The following CALN1 variants were observed in gnomAD, a reference collection of about 807,000 sequenced individuals.
The protein encoded by CALN1 is calneuron 1, also known as calcium-binding protein 8.
CALN1 carries 17 observed loss-of-function variants against 30.6 expected under a neutral mutation model. That is an observed-to-expected ratio of 0.56 (90% confidence interval 0.38 to 0.83). The LOEUF (loss-of-function observed/expected upper bound fraction) is 0.83, where lower values mean the gene tolerates loss of function less well. Among genes scored for constraint, CALN1 ranks in the 40% least tolerant of loss-of-function variants. The pLI is 0.00. For synonymous variants in CALN1, 156 were observed against 131.4 expected, an observed-to-expected ratio of 1.19 and a Z score of -1.28; for missense variants, 291 against 354.9, an observed-to-expected ratio of 0.82 and a Z score of 1.45.
intron 5 of CALN1, among the ~76,000 whole-genome samples, chr7:71,961,439 C>T (rs1419752714): frequency 2.0e-5 from 3 of 152,182 alleles, no homozygotes; most frequent in Non-Finnish European, 4.4e-5. Context: ...ACCTGTATTT[C>T]CCCCTTGGGA....
chr7:71,982,857 C>T (rs1048286076), intron 5 of CALN1, among the ~76,000 whole-genome samples: 8 of 152,116 alleles, frequency 5.3e-5, no homozygotes, highest in South Asian at 2.1e-4. Flanking sequence ...GGGTGAATGC[C>T]GGCAGTTGTA....
chr7:71,960,407 G>C (rs10276706), intron 5 of CALN1, among the ~76,000 whole-genome samples: 1 of 151,822 alleles, frequency 6.6e-6, no homozygotes, highest in Non-Finnish European at 1.5e-5. Flanking sequence ...GCTCGCATTT[G>C]TAAGTGAGAA....
chr7:72,337,798 G>A (rs1486837165), intron 2 of CALN1: 2 of 152,482 alleles, frequency 1.3e-5, no homozygotes, highest in African/African-American at 4.8e-5. Context: ...CACTCCTCCA[G>A]GGCCTGAGAA....
At chr7:72,439,429 T>C (rs1055487867) in intron 1 of CALN1, among the ~76,000 whole-genome samples, 7 of 152,164 alleles carry the variant, frequency 4.6e-5, no homozygotes, top group African/African-American at 1.7e-4. Context: ...ACACATATGT[T>C]GTGTGTTACA....
At chr7:72,302,709 C>T (rs1034603802) in intron 2 of CALN1, among the ~76,000 whole-genome samples, 7 of 151,870 alleles carry the variant, frequency 4.6e-5, no homozygotes, top group Non-Finnish European at 8.8e-5. Flanking sequence ...GCCTGGCCAA[C>T]ATGGTGAAAC....
chr7:72,084,167 C>T (rs950745587), intron 4 of CALN1, among the ~76,000 whole-genome samples: 1 of 152,084 alleles, frequency 6.6e-6, no homozygotes, highest in Admixed American at 6.6e-5. Flanking sequence ...CAAGATCACG[C>T]CATTGCACTC....
chr7:72,210,765 C>T (rs145459396), intron 3 of CALN1, among the ~76,000 whole-genome samples: 29 of 152,078 alleles, frequency 1.9e-4, no homozygotes, highest in African/African-American at 6.7e-4. Flanking sequence ...ATGGGGATTA[C>T]AATGCAAGAT....
At chr7:72,424,842 T>C (rs557436004) in intron 1 of CALN1, among the ~76,000 whole-genome samples, 2 of 152,244 alleles carry the variant, frequency 1.3e-5, no homozygotes, top group South Asian at 4.1e-4. Context: ...AAAGATTCTC[T>C]TGCCTCAACC....
At chr7:72,341,952 C>T (rs768049673) in intron 2 of CALN1, among the ~76,000 whole-genome samples, 8 of 151,756 alleles carry the variant, frequency 5.3e-5, no homozygotes, top group Non-Finnish European at 8.8e-5. Context: ...CTAAGCTCAG[C>T]GAGCCTCAGA....
intron 2 of CALN1, among the ~76,000 whole-genome samples, chr7:72,348,885 A>G (rs1802780706): frequency 6.6e-6 from 1 of 152,160 alleles, no homozygotes; most frequent in African/African-American, 2.4e-5. Context: ...TCAACAACAT[A>G]ACACCCACAG....
At chr7:71,935,764 C>T (rs1422140083) in intron 5 of CALN1, among the ~76,000 whole-genome samples, 2 of 152,186 alleles carry the variant, frequency 1.3e-5, no homozygotes, top group Non-Finnish European at 2.9e-5. Flanking sequence ...TCCTCCTGTA[C>T]TGCCAGGGCA....
At chr7:72,386,224 C>G (rs1304919660) in intron 2 of CALN1, among the ~76,000 whole-genome samples, 2 of 152,136 alleles carry the variant, frequency 1.3e-5, no homozygotes, top group African/African-American at 4.8e-5. Context: ...AAGAATGAAT[C>G]TTAATGCATG....
intron 5 of CALN1, among the ~76,000 whole-genome samples, chr7:72,015,140 T>C (rs1250546926): frequency 6.6e-6 from 1 of 152,180 alleles, no homozygotes. Flanking sequence ...AGACTAAAGA[T>C]CAATTACACT....
intron 2 of CALN1, among the ~76,000 whole-genome samples, chr7:72,331,665 A>AT (rs1423280234): frequency 1.3e-5 from 2 of 151,788 alleles, no homozygotes; most frequent in African/African-American, 2.4e-5. Context: ...TATTCATTTT[A>AT]TTTTTTTTCC....
chr7:72,148,936 AGAAG>A lies in CALN1; in HGVS notation c.245-42646_245-42643del, dbSNP rs1010668231. ...AAAAAGAAAGAAAGAAAGAAAAAAA[AGAAG>A]GAAGGAAGGAAGGAAAGAAGGAAGG... On this transcript the variant is annotated intron_variant, in intron 3 of 6. Transcript: ENST00000395275. Among the ~76,000 whole-genome samples the A allele has an allele frequency of 1.6e-4, 22 of 141,596 alleles. No individual in the cohort carries two copies. In the South Asian group the frequency reaches 3.6e-3, roughly 23 times the overall value. The allele number at this position is 141,596 out of a possible 152,430, so 92.9% of individuals were successfully genotyped here.
chr7:72,393,479 CAA>C (rs1179119649), intron 2 of CALN1, among the ~76,000 whole-genome samples: 1 of 151,914 alleles, frequency 6.6e-6, no homozygotes. Context: ...ACAAAACAAA[CAA>C]AAAAACTAGC....
chr7:72,021,339 A>G (rs1018196691), intron 5 of CALN1, among the ~76,000 whole-genome samples: 10 of 152,080 alleles, frequency 6.6e-5, no homozygotes, highest in Non-Finnish European at 4.4e-5. Flanking sequence ...GAGAAAGAAG[A>G]AGGAGAAACG....
rs544739282 is a variant in CALN1 at position 72,411,123 on chromosome 7, T to A, written c.-74+935A>T. ...AAGATAATGTATGAGCAGAGCCTATTTATAAGAGCAAACATAAAGGTTTTA... is the reference window on the plus strand; with the variant it reads ...AAGATAATGTATGAGCAGAGCCTATATATAAGAGCAAACATAAAGGTTTTA... On this transcript the variant is annotated intron_variant, in intron 1 of 6. Coordinates refer to ENST00000395275, the MANE Select transcript of CALN1 (RefSeq NM_031468.4). Among the ~76,000 whole-genome samples the A allele has an allele frequency of 1.2e-4, 18 of 152,090 alleles. No homozygotes were observed. The East Asian group carries it at 2.1e-3, about 18-fold the overall frequency.
the CALN1 span, among the ~76,000 whole-genome samples, chr7:72,471,323 A>T: frequency 1.3e-5 from 2 of 152,062 alleles, no homozygotes; most frequent in Non-Finnish European, 2.9e-5. Flanking sequence ...TTTCATTGGG[A>T]TCTCCTTTGG....
Sources: gnomAD v4.1 joint callset for allele counts (sites outside exome capture counted in the v4.1 genomes callset) on GRCh38, gnomAD v4.1.1 for gene constraint, MANE v1.5 for transcripts, NCBI Gene and HGNC (gene_info 2026-07-23, HGNC 2026-07-21) for gene names.